PDE4D: variants seen among roughly 807,000 people sequenced by gnomAD.
PDE4D encodes the protein 3',5'-cyclic-AMP phosphodiesterase 4D.
Under a neutral mutation model 87.4 loss-of-function variants are expected in PDE4D, and 24 were observed. The observed-to-expected ratio is 0.27, with a 90% CI of 0.20 to 0.39. The LOEUF is 0.39. PDE4D is among the 10% of genes least tolerant of loss of function. The pLI, the probability that PDE4D is intolerant of heterozygous loss-of-function variation, is 1.00. For missense variants in PDE4D, 714 were observed against 1,041.0 expected (o/e 0.69, Z 4.32); for synonymous variants, 384 against 383.2 (o/e 1.00, Z -0.02).
At chr5:59,897,998 CAGTACA>C (rs1343333743), upstream of PDE4D, among the ~76,000 whole-genome samples, 1 of 152,068 alleles carries the variant, frequency 6.6e-6, no homozygotes, top group African/African-American at 2.4e-5. Flanking sequence ...TCAGTATTGC[CAGTACA>C]AGTACTAGTA....
intron 1 of PDE4D, among the ~76,000 whole-genome samples, chr5:59,889,351 C>T (rs1052686571): frequency 2.7e-5 from 4 of 150,336 alleles, no homozygotes; most frequent in Admixed American, 2.7e-4. Context: ...CATGGTGGTT[C>T]ATGACAGTAA....
At position 60,460,491 on chromosome 5, in the gene PDE4D, C is replaced by G. The variant is rs1006008602; in HGVS notation, c.-90+27451G>C. ...GGATTTTGGCGATCAATTCTGACATCTTCTGAAAAAATGGTTGGCAGAGTT... is the reference window on the plus strand; with the variant it reads ...GGATTTTGGCGATCAATTCTGACATGTTCTGAAAAAATGGTTGGCAGAGTT... On this transcript the variant is annotated intron_variant, in intron 1 of 16. Coordinates refer to the PDE4D transcript ENST00000502484. 2.4e-5 allele frequency: 37 copies of G among 1,533,600 alleles called. No homozygotes were observed. In the African/African-American group the frequency reaches 4.9e-4, roughly 20 times the overall value. The allele number at this position is 1,533,600 out of a possible 1,614,324, so 95.0% of individuals were successfully genotyped here. A position where few individuals can be genotyped will look rare whatever the true frequency, so the allele number is the denominator to read the frequency against.
At chr5:59,154,982 G>C (rs1009370462) in intron 5 of PDE4D, among the ~76,000 whole-genome samples, 1 of 152,172 alleles carries the variant, frequency 6.6e-6, no homozygotes, top group African/African-American at 2.4e-5. Flanking sequence ...AACTGAGATA[G>C]GAAGAACAGA....
rs541195238 is a variant in PDE4D at position 60,479,941 on chromosome 5, C to G, written c.-90+8001G>C. Among the ~76,000 whole-genome samples, 42 of 152,268 alleles carry G rather than the reference C, an allele frequency of 2.8e-4. No homozygotes were observed. The South Asian group carries it at 7.5e-3, about 27-fold the overall frequency. On this transcript the variant is annotated intron_variant, in intron 1 of 16. Coordinates refer to the PDE4D transcript ENST00000502484. ...AGAAACTAGGCTATTTTCTTGCTTA[C>G]AGCCTATAGCAAAATAGGAGCAGGA...
At position 59,470,948 on chromosome 5, in the gene PDE4D, A is replaced by G. The variant is rs1184182430; in HGVS notation, c.456-254980T>C. 2.0e-5 allele frequency among the ~76,000 whole-genome samples: 3 copies of G among 152,180 alleles called. No homozygotes were observed. The East Asian group carries it at 5.8e-4, about 29-fold the overall frequency. On this transcript the variant is annotated intron_variant, in intron 1 of 14. Transcript: ENST00000340635. The stretch of plus-strand genomic sequence containing the variant: ...AATATTTACACTCATCAGAAGCTAA[A>G]TGGAGCCGAGTGCAATGGCTCATAC...
intron 1 of PDE4D, among the ~76,000 whole-genome samples, chr5:59,794,638 C>A (rs1766244582): frequency 6.6e-6 from 1 of 151,964 alleles, no homozygotes; most frequent in African/African-American, 2.4e-5. Context: ...AAAATTTTGT[C>A]TTCAAAATAG....
chr5:59,224,662 A>G (rs1286165502), intron 1 of PDE4D, among the ~76,000 whole-genome samples: 2 of 152,186 alleles, frequency 1.3e-5, no homozygotes, highest in Non-Finnish European at 2.9e-5. Flanking sequence ...CATGAGGTTG[A>G]GGTTGAGGTT....
In PDE4D at chr5:60,468,141, T is replaced by TTTTTTTTG. The variant is rs1554040615; in HGVS notation, c.-90+19800_-90+19801insCAAAAAAA. Among the ~76,000 whole-genome samples the TTTTTTTTG allele has an allele frequency of 1.7e-4, 26 of 149,320 alleles. No individual in the cohort carries two copies. In the East Asian group the frequency reaches 5.1e-3, roughly 30 times the overall value. ...TCCTAACTTTCTTTCTTTTTTCTTTTTTTTTTGTTTTTTTTGAGACAAGGT... is the reference window on the plus strand; with the variant it reads ...TCCTAACTTTCTTTCTTTTTTCTTTTTTTTTTTGTTTTTTGTTTTTTTTGAGACAAGGT... On this transcript the variant is annotated intron_variant, in intron 1 of 16. Transcript: ENST00000502484.
At chr5:59,411,550 T>G (rs1455131063) in intron 1 of PDE4D, among the ~76,000 whole-genome samples, 3 of 152,252 alleles carry the variant, frequency 2.0e-5, no homozygotes, top group Non-Finnish European at 4.4e-5. Flanking sequence ...ACCTGTCTCC[T>G]TGGCTTTCAG....
At chr5:59,687,331 A>C (rs1750051000) in intron 1 of PDE4D, among the ~76,000 whole-genome samples, 1 of 152,180 alleles carries the variant, frequency 6.6e-6, no homozygotes, top group African/African-American at 2.4e-5. Context: ...CCAGAGAGAA[A>C]GGTCGGGTTA....
intron 1 of PDE4D, among the ~76,000 whole-genome samples, chr5:59,513,379 G>T (rs1399563045): frequency 6.6e-6 from 1 of 152,142 alleles, no homozygotes; most frequent in African/African-American, 2.4e-5. Flanking sequence ...TAGATGATAG[G>T]TTTTCAATCT....
intron 2 of PDE4D, among the ~76,000 whole-genome samples, chr5:60,048,465 G>A (rs1052823525): frequency 6.6e-6 from 1 of 151,944 alleles, no homozygotes; most frequent in African/African-American, 2.4e-5. Context: ...TAGTCTCGAT[G>A]GTCTTTACAT....
At chr5:59,700,397 C>T (rs527512937) in intron 1 of PDE4D, among the ~76,000 whole-genome samples, 2 of 152,192 alleles carry the variant, frequency 1.3e-5, no homozygotes, top group African/African-American at 4.8e-5. Context: ...CGACATAGGC[C>T]TTTTATTACA....
intron 1 of PDE4D, among the ~76,000 whole-genome samples, chr5:60,327,658 A>G (rs947767320): frequency 7.9e-5 from 12 of 152,190 alleles, no homozygotes; most frequent in African/African-American, 2.9e-4. Context: ...CAAATCTACA[A>G]AAATGTTTCT....
At chr5:59,087,676 G>T (rs1252743169) in intron 5 of PDE4D, among the ~76,000 whole-genome samples, 5 of 152,076 alleles carry the variant, frequency 3.3e-5, no homozygotes, top group Admixed American at 3.3e-4. Flanking sequence ...TTTCTTAGCA[G>T]TTCCTAATAG....
chr5:59,464,334 C>G (rs542479317), intron 1 of PDE4D, among the ~76,000 whole-genome samples: 3 of 152,346 alleles, frequency 2.0e-5, no homozygotes, highest in East Asian at 1.9e-4. Context: ...CCCGATTGTA[C>G]GTTCCATCTA....
intron 6 of PDE4D, among the ~76,000 whole-genome samples, chr5:59,036,036 A>G (rs1175206215): frequency 6.6e-5 from 10 of 152,236 alleles, no homozygotes; most frequent in Non-Finnish European, 7.3e-5. Flanking sequence ...CCAATACAGG[A>G]AATACAGCTA....
intron 3 of PDE4D, among the ~76,000 whole-genome samples, chr5:59,924,691 C>G (rs149468665): frequency 1.3e-3 from 200 of 152,150 alleles, no homozygotes; most frequent in African/African-American, 4.6e-3. Flanking sequence ...AACAACAGAC[C>G]TGTCCTATAA....
intron 2 of PDE4D, among the ~76,000 whole-genome samples, chr5:59,206,709 C>T (rs1236411859): frequency 1.3e-5 from 2 of 152,142 alleles, no homozygotes; most frequent in Non-Finnish European, 2.9e-5. Flanking sequence ...GATACCCTGG[C>T]ATGGAGTAGG....
Sources: gnomAD v4.1 joint callset for allele counts (sites outside exome capture counted in the v4.1 genomes callset) on GRCh38, gnomAD v4.1.1 for gene constraint, MANE v1.5 for transcripts, NCBI Gene and HGNC (gene_info 2026-07-23, HGNC 2026-07-21) for gene names.